Variants in RBFOX1 observed in about 807,000 individuals in gnomAD.
RBFOX1 encodes RNA binding protein fox-1 homolog 1.
A neutral mutation model predicts 57.7 loss-of-function variants in RBFOX1; 8 were observed. The ratio of observed to expected loss-of-function variants is 0.14; its 90% confidence interval spans 0.08 to 0.25. RBFOX1 has a LOEUF of 0.25. Among genes scored for constraint, RBFOX1 ranks in the 10% least tolerant of loss-of-function variants. The pLI is 1.00. For synonymous variants in RBFOX1, 326 were observed against 222.4 expected, an observed-to-expected ratio of 1.47 and a Z score of -4.15; for missense variants, 611 against 548.5, an observed-to-expected ratio of 1.11 and a Z score of -1.14.
intron 1 of RBFOX1, among the ~76,000 whole-genome samples, chr16:6,039,549 T>A (rs1361588839): frequency 6.6e-6 from 1 of 152,094 alleles, no homozygotes; most frequent in Non-Finnish European, 1.5e-5. Flanking sequence ...AAGCAAAACC[T>A]TTCATTGCCA....
At chr16:5,414,653 T>G (rs183027906) in intron 1 of RBFOX1, among the ~76,000 whole-genome samples, 13 of 152,312 alleles carry the variant, frequency 8.5e-5, no homozygotes, top group African/African-American at 2.9e-4. Context: ...AATATTTCCA[T>G]GTGATTCAAT....
At chr16:6,783,052 T>G (rs964182081) in intron 3 of RBFOX1, among the ~76,000 whole-genome samples, 1 of 152,110 alleles carries the variant, frequency 6.6e-6, no homozygotes, top group Non-Finnish European at 1.5e-5. Context: ...GTACAGCTCT[T>G]TATGTTCTTT....
At chr16:6,689,532 T>A (rs1268984028) in intron 3 of RBFOX1, among the ~76,000 whole-genome samples, 2 of 152,192 alleles carry the variant, frequency 1.3e-5, no homozygotes, top group East Asian at 3.8e-4. Flanking sequence ...ATGCAAGAGA[T>A]GTTTACACAG....
intron 3 of RBFOX1, among the ~76,000 whole-genome samples, chr16:6,836,476 T>G (rs886627489): frequency 6.6e-6 from 1 of 152,214 alleles, no homozygotes; most frequent in Non-Finnish European, 1.5e-5. Context: ...CAGAGGTATC[T>G]TGCTTTCTGT....
At chr16:5,397,831 G>A (rs1406920288) in intron 1 of RBFOX1, among the ~76,000 whole-genome samples, 8 of 152,154 alleles carry the variant, frequency 5.3e-5, no homozygotes, top group African/African-American at 1.9e-4. Context: ...ATAATGACAT[G>A]GTTGTTTTAA....
chr16:7,601,859 T>G lies in RBFOX1; in HGVS notation c.622+4428T>G, dbSNP rs114504408. Among the ~76,000 whole-genome samples, 1,462 of 152,310 alleles carry G rather than the reference T, an allele frequency of 9.6e-3. 20 individuals carry two copies. The highest frequency in any genetic ancestry group is 0.034 in the African/African-American group (1,395 of 41,560). On this transcript the variant is annotated intron_variant, in intron 9 of 15. Transcript: ENST00000550418. ...TGTATTTTAGACGGAATTTAAATTT[T>G]GGCAATAAATACACGCCGTTAAAGA...
chr16:7,614,828 T>G (rs1246445010), intron 10 of RBFOX1: 1 of 152,272 alleles, frequency 6.6e-6, no homozygotes, highest in Non-Finnish European at 1.5e-5. Context: ...ATTATTTTCA[T>G]GATCAAATTA....
intron 1 of RBFOX1, among the ~76,000 whole-genome samples, chr16:6,150,968 C>T (rs1300618194): frequency 6.6e-6 from 1 of 152,124 alleles, no homozygotes; most frequent in African/African-American, 2.4e-5. Context: ...TTTTTTCTCC[C>T]AGCTTAGATG....
At chr16:6,702,242 G>T (rs2061966194) in intron 3 of RBFOX1, among the ~76,000 whole-genome samples, 1 of 152,144 alleles carries the variant, frequency 6.6e-6, no homozygotes, top group Non-Finnish European at 1.5e-5. Context: ...TTCAACATGA[G>T]ATATGGATGG....
chr16:6,816,339 C>T (rs2090061288), intron 3 of RBFOX1, among the ~76,000 whole-genome samples: 1 of 152,040 alleles, frequency 6.6e-6, no homozygotes, highest in African/African-American at 2.4e-5. Context: ...ATCATTGTGT[C>T]ATGTCTGCCT....
chr16:5,413,352 A>T lies in RBFOX1; in HGVS notation c.220-53864A>T, dbSNP rs1485088652. Among the ~76,000 whole-genome samples the T allele has an allele frequency of 2.0e-5, 3 of 152,082 alleles. No homozygotes were observed. The East Asian group carries it at 5.8e-4, about 29-fold the overall frequency. On this transcript the variant is annotated intron_variant, in intron 1 of 2. Coordinates refer to the RBFOX1 transcript ENST00000585867. Reference sequence around the variant, plus strand: ...AAAGGGCTTTATTTTCTTTCTCCTCATTACTGGCTACTGAAAGAACTCCAT... The same window carrying T: ...AAAGGGCTTTATTTTCTTTCTCCTCTTTACTGGCTACTGAAAGAACTCCAT...
intron 4 of RBFOX1, among the ~76,000 whole-genome samples, chr16:7,348,306 C>T (rs1480118755): frequency 6.6e-6 from 1 of 152,158 alleles, no homozygotes; most frequent in South Asian, 2.1e-4. Flanking sequence ...CTAAATAATT[C>T]TTATCTACTC....
intron 4 of RBFOX1, among the ~76,000 whole-genome samples, chr16:7,299,058 T>G (rs1003037789): frequency 6.6e-6 from 1 of 152,214 alleles, no homozygotes; most frequent in African/African-American, 2.4e-5. Flanking sequence ...ATATCTAGAA[T>G]TAGAATAGTT....
chr16:6,897,192 G>T (rs1257019295), intron 3 of RBFOX1, among the ~76,000 whole-genome samples: 3 of 152,168 alleles, frequency 2.0e-5, no homozygotes, highest in Admixed American at 1.3e-4. Flanking sequence ...AACACAGGTT[G>T]TTTTCCAGAA....
chr16:7,153,681 C>T (rs1269677373), intron 4 of RBFOX1, among the ~76,000 whole-genome samples: 2 of 140,492 alleles, frequency 1.4e-5, no homozygotes, highest in Admixed American at 7.6e-5. Flanking sequence ...ACCCTGAAGT[C>T]GGAGGTTGCA....
chr16:6,312,182 G>A (rs2080403143), intron 1 of RBFOX1, among the ~76,000 whole-genome samples: 1 of 152,010 alleles, frequency 6.6e-6, no homozygotes, highest in Non-Finnish European at 1.5e-5. Flanking sequence ...TCAATAAATG[G>A]GCATGTTTCT....
intron 1 of RBFOX1, among the ~76,000 whole-genome samples, chr16:5,340,463 A>T (rs566527755): frequency 6.6e-6 from 1 of 152,218 alleles, no homozygotes; most frequent in Admixed American, 6.5e-5. Flanking sequence ...TCTGTCAGGG[A>T]TTGCTGCCAT....
At chr16:6,893,903 A>G (rs1057181932) in intron 3 of RBFOX1, among the ~76,000 whole-genome samples, 1 of 152,188 alleles carries the variant, frequency 6.6e-6, no homozygotes, top group Non-Finnish European at 1.5e-5. Flanking sequence ...GCTGTCACAC[A>G]TAGAGGGAGC....
intron 3 of RBFOX1, among the ~76,000 whole-genome samples, chr16:7,006,362 C>T (rs959129299): frequency 5.3e-5 from 8 of 152,056 alleles, no homozygotes; most frequent in Non-Finnish European, 1.0e-4. Flanking sequence ...ATCATGTTGG[C>T]CAGGATGGTC....
Sources: allele counts gnomAD v4.1 joint callset (sites outside exome capture counted in the v4.1 genomes callset), GRCh38; gene constraint gnomAD v4.1.1; transcripts MANE v1.5; gene names NCBI Gene and HGNC (gene_info 2026-07-23, HGNC 2026-07-21).